CNTN5: variants seen among roughly 807,000 people sequenced by gnomAD.
CNTN5 encodes the protein contactin 5, also known as contactin-5.
Under a neutral mutation model 129.1 loss-of-function variants are expected in CNTN5, and 77 were observed. That is an observed-to-expected ratio of 0.60 (90% CI 0.50 to 0.72). The LOEUF is 0.72. Among genes scored for constraint, CNTN5 ranks in the 30% least tolerant of loss-of-function variants. The probability of loss-of-function intolerance (pLI) is 0.00; values close to 1 mark genes in which losing one functional copy is unlikely to be tolerated. For synonymous variants in CNTN5, 509 were observed against 465.6 expected (o/e 1.09, Z -1.20); for missense variants, 1,478 against 1,328.8 (o/e 1.11, Z -1.75).
chr11:99,651,524 C>T (rs1217891350), intron 3 of CNTN5, among the ~76,000 whole-genome samples: 1 of 151,960 alleles, frequency 6.6e-6, no homozygotes, highest in Non-Finnish European at 1.5e-5. Flanking sequence ...ATCGAAGTGA[C>T]AGATATAAAG....
At chr11:100,035,294 T>C (rs1424159584) in intron 9 of CNTN5, among the ~76,000 whole-genome samples, 1 of 148,990 alleles carries the variant, frequency 6.7e-6, no homozygotes, top group Non-Finnish European at 1.5e-5. Flanking sequence ...ACAAAGGACA[T>C]GAACTCATCA....
At chr11:99,744,371 A>G (rs1360535183) in intron 3 of CNTN5, among the ~76,000 whole-genome samples, 2 of 151,844 alleles carry the variant, frequency 1.3e-5, no homozygotes, top group Non-Finnish European at 2.9e-5. Context: ...CAAGTCTCTT[A>G]AGGACGTAAG....
chr11:99,443,026 G>A lies in CNTN5; in HGVS notation c.-70-113119G>A, dbSNP rs146630408. Among the ~76,000 whole-genome samples the A allele has an allele frequency of 7.1e-4, 108 of 152,214 alleles. 2 individuals are homozygous for A. The East Asian group carries it at 0.019, about 27-fold the overall frequency. ...TAGCACTGTGTTATTTATTTAGTAA[G>A]TATTCAAAAATAGTTGAATAAAGTG... is the stretch of plus-strand genomic sequence containing the variant. On this transcript the variant is annotated intron_variant, in intron 2 of 24. Transcript: ENST00000524871.
In CNTN5 at chr11:100,070,658, G is replaced by A. The variant is rs145297600; in HGVS notation, c.1299+98G>A. 1.2e-5 allele frequency: 13 copies of A among 1,110,352 alleles called. No individual in the cohort carries two copies. In the East Asian group the frequency reaches 3.3e-4, roughly 28 times the overall value. The allele number at this position is 1,110,352 out of a possible 1,614,324, so 68.8% of individuals were successfully genotyped here. ...TTAGTCTTATTGAAAGCCTTTTCCTGTTTCTGATTCGTATAATAGGACATG... is the reference window on the plus strand; with the variant it reads ...TTAGTCTTATTGAAAGCCTTTTCCTATTTCTGATTCGTATAATAGGACATG... On this transcript the variant is annotated intron_variant, in intron 11 of 24. Transcript: ENST00000524871.
chr11:99,738,661 G>A (rs1371624198), intron 3 of CNTN5, among the ~76,000 whole-genome samples: 2 of 149,706 alleles, frequency 1.3e-5, no homozygotes, highest in Non-Finnish European at 3.0e-5. Context: ...GTAGAACCTG[G>A]AGTGTAGAAA....
intron 21 of CNTN5, among the ~76,000 whole-genome samples, chr11:100,313,352 G>A (rs769799101): frequency 2.0e-5 from 3 of 151,744 alleles, no homozygotes; most frequent in Non-Finnish European, 2.9e-5. Context: ...TTAGAGGCAG[G>A]GCTGGCAGGA....
In CNTN5 at chr11:100,224,271, A is replaced by T. The variant is rs76049941; in HGVS notation, c.1885-421A>T. Among the ~76,000 whole-genome samples the T allele has an allele frequency of 7.8e-3, 1,185 of 152,254 alleles. 32 individuals are homozygous for T. Among genetic ancestry groups the T allele is most frequent in the East Asian group, 0.061 (318 of 5,172 alleles). ...AAGAGCTATTCAATAAAGTCACGAG[A>T]TAATATTTTGATTGCTATCTTTTCA... On this transcript the variant is annotated intron_variant, in intron 15 of 24. Coordinates refer to ENST00000524871, the MANE Select transcript of CNTN5 (RefSeq NM_014361.4).
At chr11:100,270,680 G>A (rs1053227437) in intron 17 of CNTN5, among the ~76,000 whole-genome samples, 6 of 152,202 alleles carry the variant, frequency 3.9e-5, no homozygotes, top group African/African-American at 1.4e-4. Flanking sequence ...TTAATTTGCT[G>A]CTTGGAATTA....
rs377568917 is a variant in CNTN5, at chr11:99,477,820, A to C, written c.-70-78325A>C. On this transcript the variant is annotated intron_variant, in intron 2 of 24. Coordinates refer to ENST00000524871, the MANE Select transcript of CNTN5 (RefSeq NM_014361.4). ...AAAGGTAATTATTTCCTTTAAAAAAATAAAAAGAAGCTGAATATTTTATCT... is the reference window on the plus strand; with the variant it reads ...AAAGGTAATTATTTCCTTTAAAAAACTAAAAAGAAGCTGAATATTTTATCT... 2.0e-5 allele frequency among the ~76,000 whole-genome samples: 3 copies of C among 151,980 alleles called. No homozygotes were observed. In the East Asian group the frequency reaches 5.8e-4, roughly 29 times the overall value.
chr11:99,720,741 G>T (rs1943144386), intron 3 of CNTN5, among the ~76,000 whole-genome samples: 1 of 152,044 alleles, frequency 6.6e-6, no homozygotes, highest in Non-Finnish European at 1.5e-5. Context: ...TTCTATAGCA[G>T]GAAAACCCAG....
intron 1 of CNTN5, among the ~76,000 whole-genome samples, chr11:99,131,472 T>C (rs938101083): frequency 6.6e-6 from 1 of 151,618 alleles, no homozygotes; most frequent in East Asian, 1.9e-4. Context: ...CCGGAACTGG[T>C]TTTTTGAAAA....
rs553451725 is a variant in CNTN5, at chr11:99,726,485, A to G, written c.56-93059A>G. 1.6e-4 allele frequency among the ~76,000 whole-genome samples: 24 copies of G among 152,302 alleles called. No homozygotes were observed. The South Asian group carries it at 4.6e-3, about 29-fold the overall frequency. On this transcript the variant is annotated intron_variant, in intron 3 of 24. Coordinates refer to ENST00000524871, the MANE Select transcript of CNTN5 (RefSeq NM_014361.4). Reference sequence around the variant, plus strand: ...TCTACTAGCAAAACGAAATAGAACAATTTGCTTGAGAATTACTGTGGATTA... The same window carrying G: ...TCTACTAGCAAAACGAAATAGAACAGTTTGCTTGAGAATTACTGTGGATTA...
At chr11:99,958,587 T>A (rs1950861964) in intron 8 of CNTN5, among the ~76,000 whole-genome samples, 1 of 152,178 alleles carries the variant, frequency 6.6e-6, no homozygotes, top group Admixed American at 6.6e-5. Context: ...CATTGTGTAT[T>A]ACATCACCAT....
intron 13 of CNTN5, among the ~76,000 whole-genome samples, chr11:100,145,455 C>CGTAG (rs1946822376): frequency 6.6e-6 from 1 of 152,078 alleles, no homozygotes; most frequent in East Asian, 1.9e-4. Flanking sequence ...GTGACTCTTA[C>CGTAG]GTAGGTAGGT....
chr11:99,336,100 T>A (rs1410922123), intron 2 of CNTN5, among the ~76,000 whole-genome samples: 1 of 152,154 alleles, frequency 6.6e-6, no homozygotes, highest in Admixed American at 6.6e-5. Flanking sequence ...GAGGGGTATG[T>A]TTGTACACAG....
intron 9 of CNTN5, among the ~76,000 whole-genome samples, chr11:100,039,375 G>A (rs186225870): frequency 0.012 from 1,868 of 152,216 alleles, 50 homozygotes; most frequent in African/African-American, 0.043. Flanking sequence ...AGGGTAACCC[G>A]ACCTTTCTCT....
At chr11:99,670,649 C>T (rs184789444) in intron 3 of CNTN5, among the ~76,000 whole-genome samples, 51 of 152,292 alleles carry the variant, frequency 3.3e-4, no homozygotes, top group Admixed American at 3.3e-3. Flanking sequence ...CTACTACAGC[C>T]AGACCGAGTA....
At chr11:100,057,335 T>G (rs1943278037) in intron 9 of CNTN5, among the ~76,000 whole-genome samples, 1 of 150,430 alleles carries the variant, frequency 6.6e-6, no homozygotes, top group Admixed American at 6.6e-5. Context: ...TAATAAAAAC[T>G]TAAAATGCTT....
intron 3 of CNTN5, among the ~76,000 whole-genome samples, chr11:99,698,660 T>C (rs550245207): frequency 9.5e-4 from 144 of 151,692 alleles, no homozygotes; most frequent in African/African-American, 3.3e-3. Context: ...ATGGTAGTAT[T>C]GCCTGACAAA....
Sources: allele counts gnomAD v4.1 joint callset (sites outside exome capture counted in the v4.1 genomes callset), GRCh38; gene constraint gnomAD v4.1.1; transcripts MANE v1.5; gene names NCBI Gene and HGNC (gene_info 2026-07-23, HGNC 2026-07-21).